RANBP3: variants seen among roughly 807,000 people sequenced by gnomAD.
The protein encoded by RANBP3 is ran-binding protein 3.
In RANBP3, 14 loss-of-function variants were observed where a neutral mutation model predicts 77.3. The ratio of observed to expected loss-of-function variants is 0.18; its 90% CI spans 0.12 to 0.28. The LOEUF (loss-of-function observed/expected upper bound fraction) is 0.28, where lower values mean the gene tolerates loss of function less well. Ranked by LOEUF, RANBP3 falls within the 10% of genes least tolerant of loss-of-function variation. RANBP3 has a pLI of 1.00. For synonymous variants in RANBP3, 315 were observed against 312.4 expected, an observed-to-expected ratio of 1.01 and a Z score of -0.09; for missense variants, 586 against 752.3, an observed-to-expected ratio of 0.78 and a Z score of 2.59.
intron 5 of RANBP3, among the ~76,000 whole-genome samples, chr19:5,938,584 T>C (rs1041141737): frequency 2.0e-5 from 3 of 151,946 alleles, no homozygotes; most frequent in Non-Finnish European, 4.4e-5. Flanking sequence ...CCCAGCTACT[T>C]GGGAGGCTGA....
chr19:5,927,435 C>T (rs558537796), intron 9 of RANBP3, among the ~76,000 whole-genome samples: 1 of 152,336 alleles, frequency 6.6e-6, no homozygotes, highest in African/African-American at 2.4e-5. Flanking sequence ...ACAGGGAATA[C>T]TGGCCACGTC....
At chr19:5,933,283 G>A in intron 6 of RANBP3, 131 bp downstream of exon 6, 1 of 702,608 alleles carries the variant, frequency 1.4e-6, no homozygotes. Context: ...GAACTTTCCA[G>A]GGCTCGTGGG....
intron 9 of RANBP3, among the ~76,000 whole-genome samples, chr19:5,926,800 T>TA (rs1266725804): frequency 6.6e-5 from 10 of 152,244 alleles, no homozygotes; most frequent in African/African-American, 2.4e-4. Flanking sequence ...TTATTTTGCC[T>TA]AAAGCCATGG....
chr19:5,946,593 G>A (rs1031706727), intron 3 of RANBP3, among the ~76,000 whole-genome samples: 3 of 152,136 alleles, frequency 2.0e-5, no homozygotes, highest in African/African-American at 4.8e-5. Flanking sequence ...AAGACAGAAC[G>A]CGTGCCTGTG....
Position 5,942,079 on chromosome 19 carries a change from C to A in RANBP3, c.283-244G>T, listed in dbSNP as rs2067089. On this transcript the variant is annotated intron_variant, in intron 3 of 16. Transcript: ENST00000340578. ...GTGGCTGGGAAAGCATCCGCAGCAC[C>A]CAGATCAGTTTCTTGTTTCTCCACA... 0.4 allele frequency among the ~76,000 whole-genome samples: 60,857 copies of A among 151,950 alleles called. 13,199 individuals carry two copies. Among genetic ancestry groups the A allele is most frequent in the East Asian group, 0.65 (3,339 of 5,158 alleles).
chr19:5,950,408 T>G (rs766951483), intron 3 of RANBP3, among the ~76,000 whole-genome samples: 9 of 152,218 alleles, frequency 5.9e-5, no homozygotes, highest in South Asian at 4.1e-4. Flanking sequence ...TCCAAAATGT[T>G]AACACAGGAC....
rs1013217844 is a variant in RANBP3, at chr19:5,958,493, T to C, written c.23-520A>G. 2.6e-5 allele frequency among the ~76,000 whole-genome samples: 4 copies of C among 152,246 alleles called. No individual in the cohort carries two copies. The highest frequency in any genetic ancestry group is 7.2e-5 in the African/African-American group (3 of 41,470). On this transcript the variant is annotated intron_variant, in intron 1 of 16. Transcript: ENST00000340578. This position sits in a 1 kb window ranked among gnomAD's most constrained non-coding sequence, Gnocchi z 4.4. ...GTGCTGGTTGGGAGGAAAGGATGTC[T>C]GGAGTTGCTAGAGGCCTGAGAGTCC...
chr19:5,943,414 C>T (rs193170761), intron 3 of RANBP3, among the ~76,000 whole-genome samples: 6 of 152,304 alleles, frequency 3.9e-5, no homozygotes, highest in African/African-American at 9.6e-5. Flanking sequence ...GCCAGACTGT[C>T]GGTACTGCTG....
At chr19:5,964,077 G>A (rs978558561) in intron 1 of RANBP3, among the ~76,000 whole-genome samples, 1 of 152,178 alleles carries the variant, frequency 6.6e-6, no homozygotes, top group Non-Finnish European at 1.5e-5. Context: ...CACGGTGCTG[G>A]CTCTCCCTCC....
chr19:5,920,092 T>C (rs917320223), intron 14 of RANBP3, among the ~76,000 whole-genome samples: 6 of 152,014 alleles, frequency 3.9e-5, no homozygotes, highest in Non-Finnish European at 8.8e-5. Flanking sequence ...CACTTTGATT[T>C]GGGAAGATAA....
At chr19:5,920,538 T>C (rs1479625638) in intron 14 of RANBP3, among the ~76,000 whole-genome samples, 2 of 152,196 alleles carry the variant, frequency 1.3e-5, no homozygotes, top group Admixed American at 6.5e-5. Flanking sequence ...TGAAAGCTTT[T>C]CAAAAACAGT....
At chr19:5,964,396 C>A (rs1261380850) in intron 1 of RANBP3, among the ~76,000 whole-genome samples, 1 of 152,232 alleles carries the variant, frequency 6.6e-6, no homozygotes, top group Non-Finnish European at 1.5e-5. Flanking sequence ...GGGAACCACT[C>A]TGCCAGCTGC....
rs1414984573 is a variant in RANBP3, at chr19:5,933,622, A to G, written c.407-143T>C. ...AGGGAGAACATTTCCAAATTACAAC[A>G]GAAGTCTCGTCCGATCAGCAGGCCT... On this transcript the variant is annotated intron_variant, in intron 5 of 16. Transcript: ENST00000340578. The G allele has an allele frequency of 5.0e-6, 3 of 602,448 alleles. No individual in the cohort carries two copies. In the South Asian group the frequency reaches 6.3e-5, roughly 13 times the overall value. The allele number at this position is 602,448 out of a possible 1,614,324, so 37.3% of individuals were successfully genotyped here. A position where few individuals can be genotyped will look rare whatever the true frequency, so the allele number is the denominator to read the frequency against.
intron 8 of RANBP3, among the ~76,000 whole-genome samples, chr19:5,930,215 C>T (rs1038678199): frequency 6.6e-6 from 1 of 152,220 alleles, no homozygotes; most frequent in Non-Finnish European, 1.5e-5. Context: ...GCTTCCAAGC[C>T]GCAGAATGCG....
intron 8 of RANBP3, among the ~76,000 whole-genome samples, chr19:5,930,890 G>A (rs1287302222): frequency 6.6e-6 from 1 of 152,126 alleles, no homozygotes; most frequent in Non-Finnish European, 1.5e-5. Flanking sequence ...TTTCTGAGAT[G>A]ACTCCCAAAG....
At chr19:5,945,724 C>T (rs1017301835) in intron 3 of RANBP3, among the ~76,000 whole-genome samples, 8 of 152,138 alleles carry the variant, frequency 5.3e-5, no homozygotes, top group African/African-American at 1.9e-4. Flanking sequence ...GCTCTTTTGA[C>T]GATACCCATG....
rs751687123 is a variant in RANBP3, at chr19:5,951,568, T to C, written c.107A>G (p.Asp36Gly). The C allele has an allele frequency of 6.2e-6, 10 of 1,613,688 alleles. No homozygotes were observed. Among genetic ancestry groups the C allele is most frequent in the Non-Finnish European group, 8.5e-6 (10 of 1,179,860 alleles). The change falls in exon 3 of 17, where the codon GAT becomes GGT. Residue 36 changes from aspartate to glycine, a missense_variant. By Grantham distance (94) the Asp-to-Gly change is moderately conservative. Transcript: ENST00000340578. ...KSPAEQKNLSDSGEEPRGEAE... is the reference protein window; with the variant it reads ...KSPAEQKNLSGSGEEPRGEAE... ...CTCCCCCCGAGGCTCCTCTCCCGAATCCGACAAGTTTTTTTGCTCTGCAGG... is the reference window on the plus strand; with the variant it reads ...CTCCCCCCGAGGCTCCTCTCCCGAACCCGACAAGTTTTTTTGCTCTGCAGG...
Position 5,917,929 on chromosome 19 carries a change from G to A in RANBP3, c.1525C>T (p.Leu509=). 2 of 1,612,476 alleles carry A rather than the reference G, an allele frequency of 1.2e-6. No homozygotes were observed. Among genetic ancestry groups the A allele is most frequent in the Non-Finnish European group, 1.7e-6 (2 of 1,179,544 alleles). The change falls in exon 16 of 17, where the codon CTG becomes TTG. Residue 509 remains leucine (L), a synonymous_variant. Coordinates refer to ENST00000340578, the MANE Select transcript of RANBP3 (RefSeq NM_007322.3). ...QLYAALHHRI[L]ALRSRVEQEQ... ...TGCTCCACGCGGCTGCGCAGGGCCA[G>A]GATGCGGTGGTGCAGGGCTGCATAC...
At chr19:5,918,475 G>C in intron 15 of RANBP3, 21 bp downstream of exon 15, 1 of 1,593,616 alleles carries the variant, frequency 6.3e-7, no homozygotes, top group Non-Finnish European at 8.5e-7. Flanking sequence ...GGTCCCAGAT[G>C]CACCCGCGTG....
Sources: gnomAD v4.1 joint callset for allele counts (sites outside exome capture counted in the v4.1 genomes callset) on GRCh38, gnomAD v4.1.1 for gene constraint, Gnocchi (gnomAD v3.1) non-coding constraint, MANE v1.5 for transcripts, NCBI Gene and HGNC (gene_info 2026-07-23, HGNC 2026-07-21) for gene names.